Variants in DDX31 observed in about 807,000 individuals in gnomAD.
DDX31 encodes DEAD-box helicase 31.
Under a neutral mutation model 91.3 loss-of-function variants are expected in DDX31, and 70 were observed. The observed-to-expected ratio is 0.77, with a 90% CI of 0.63 to 0.94. The LOEUF (loss-of-function observed/expected upper bound fraction) is 0.94, where lower values mean the gene tolerates loss of function less well. Ranked by LOEUF, DDX31 falls within the 40% of genes least tolerant of loss-of-function variation. The pLI is 0.00. For missense variants in DDX31, 902 were observed against 925.0 expected (o/e 0.98, Z 0.32); for synonymous variants, 362 against 350.6 (o/e 1.03, Z -0.36).
intron 16 of DDX31, among the ~76,000 whole-genome samples, 185 bp from the exon 17 acceptor site, chr9:132,625,930 G>C (rs549690532): frequency 6.6e-6 from 1 of 152,246 alleles, no homozygotes; most frequent in East Asian, 1.9e-4. Context: ...ATATTAAAGG[G>C]ACAGGATGAT....
Position 132,594,832 on chromosome 9 carries a change from GC to G in DDX31, c.*33del. The G allele has an allele frequency of 6.2e-7, 1 of 1,604,834 alleles. No individual in the cohort carries two copies. Among genetic ancestry groups the G allele is most frequent in the Non-Finnish European group, 8.5e-7 (1 of 1,174,514 alleles). On this transcript the variant is annotated 3_prime_UTR_variant, in exon 20 of 20. Transcript: ENST00000372159. ...GGACATCAATCCACTGCCACCCGGG[GC>G]TTCCAGGTTCCACTCGAAGACCCAG...
At chr9:132,624,880 G>C (rs1286928296) in intron 17 of DDX31, among the ~76,000 whole-genome samples, 1 of 152,172 alleles carries the variant, frequency 6.6e-6, no homozygotes, top group East Asian at 1.9e-4. Flanking sequence ...CCAAATACAG[G>C]CACATGCTAA....
chr9:132,620,934 G>A (rs948926047), intron 17 of DDX31, among the ~76,000 whole-genome samples: 3 of 152,154 alleles, frequency 2.0e-5, no homozygotes, highest in East Asian at 3.8e-4. Context: ...CCATCCATCC[G>A]CACGCAATGC....
At chr9:132,633,667 AC>A (rs1466705597) in intron 14 of DDX31, among the ~76,000 whole-genome samples, 1 of 151,970 alleles carries the variant, frequency 6.6e-6, no homozygotes, top group Non-Finnish European at 1.5e-5. Flanking sequence ...GGTGGGAAGA[AC>A]CCCCAAAGCT....
intron 14 of DDX31, among the ~76,000 whole-genome samples, chr9:132,639,307 G>T (rs1326965218): frequency 6.6e-6 from 1 of 151,938 alleles, no homozygotes; most frequent in Non-Finnish European, 1.5e-5. Context: ...CCCAGCAACC[G>T]AGAGAAATGA....
chr9:132,619,343 CACTTG>C (rs1831853257), intron 17 of DDX31, among the ~76,000 whole-genome samples: 2 of 152,144 alleles, frequency 1.3e-5, no homozygotes, highest in South Asian at 4.1e-4. Flanking sequence ...TGACACTGAT[CACTTG>C]AGTGGTGCTA....
chr9:132,603,775 C>T (rs114341244), intron 19 of DDX31, among the ~76,000 whole-genome samples: 1,932 of 152,278 alleles, frequency 0.013, 35 homozygotes, highest in African/African-American at 0.044. Flanking sequence ...GGTTCCTGTT[C>T]TTTGTTGTCA....
chr9:132,668,077 G>A (rs1835428795), intron 1 of DDX31, among the ~76,000 whole-genome samples: 2 of 152,070 alleles, frequency 1.3e-5, no homozygotes, highest in African/African-American at 4.8e-5. Context: ...TGCTCCCAGT[G>A]GCTCTTCTAT....
chr9:132,598,035 T>C (rs955246206), intron 19 of DDX31, among the ~76,000 whole-genome samples: 4 of 152,130 alleles, frequency 2.6e-5, no homozygotes, highest in African/African-American at 9.7e-5. Flanking sequence ...AGCAGTCCAC[T>C]CACTCAGAGG....
In DDX31 at chr9:132,595,121, C is replaced by T. The variant is rs761079496; in HGVS notation, c.1995-9G>A. ...TCTTATGAAGGTCAGGCCTGAAGAA[C>T]AGTAACAGCAGAGAGGGAAAAGAAA... On this transcript the variant is annotated splice_polypyrimidine_tract_variant and intron_variant, in intron 19 of 19. Transcript: ENST00000372159. The surrounding 1 kb of genome is among the most constrained non-coding windows in gnomAD (Gnocchi z 4.6). 1.2e-6 allele frequency: 2 copies of T among 1,606,568 alleles called. No homozygotes were observed. Among genetic ancestry groups the T allele is most frequent in the Non-Finnish European group, 1.7e-6 (2 of 1,175,064 alleles).
intron 13 of DDX31, among the ~76,000 whole-genome samples, chr9:132,643,538 T>C (rs150441186): frequency 4.1e-4 from 63 of 152,264 alleles, no homozygotes; most frequent in African/African-American, 1.1e-3. Flanking sequence ...ACAACAAACA[T>C]TCATCGAGTG....
chr9:132,661,055 A>G, intron 4 of DDX31, 153 bp downstream of exon 4: 1 of 686,370 alleles, frequency 1.5e-6, no homozygotes, highest in Non-Finnish European at 2.6e-6. Flanking sequence ...GGAGAGAATG[A>G]GTAGCTAAGT....
intron 3 of DDX31, 22 bp from the exon 4 acceptor site, chr9:132,661,273 C>A (rs1204375426): frequency 6.4e-7 from 1 of 1,554,404 alleles, no homozygotes; most frequent in East Asian, 2.2e-5. Flanking sequence ...GATGAAAAAG[C>A]TTTAATTAAT....
At chr9:132,669,463 G>A (rs982182252) in intron 1 of DDX31, 3 of 663,898 alleles carry the variant, frequency 4.5e-6, no homozygotes, top group Non-Finnish European at 6.7e-6. Context: ...CAGGAATGTG[G>A]GCAAGATAAA....
At chr9:132,606,507 G>A (rs1831033897) in intron 19 of DDX31, among the ~76,000 whole-genome samples, 1 of 152,198 alleles carries the variant, frequency 6.6e-6, no homozygotes, top group African/African-American at 2.4e-5. Context: ...AATGATGGAG[G>A]CTGGGGGAAG....
intron 19 of DDX31, among the ~76,000 whole-genome samples, chr9:132,609,587 T>C (rs1831210493): frequency 6.6e-6 from 1 of 152,176 alleles, no homozygotes; most frequent in African/African-American, 2.4e-5. Context: ...ATTGCATTTA[T>C]TTTCAGGGAT....
chr9:132,666,240 C>A (rs1307783782), intron 1 of DDX31, among the ~76,000 whole-genome samples: 2 of 152,062 alleles, frequency 1.3e-5, no homozygotes. Context: ...TATTGGTCTG[C>A]TTCTGGGCTC....
intron 19 of DDX31, among the ~76,000 whole-genome samples, chr9:132,604,737 A>T (rs1830917075): frequency 6.6e-6 from 1 of 152,154 alleles, no homozygotes; most frequent in Non-Finnish European, 1.5e-5. Flanking sequence ...CTGTTTCCCC[A>T]TATACTGCCA....
At chr9:132,658,583 C>G in intron 6 of DDX31, 88 bp downstream of exon 6, 1 of 1,229,792 alleles carries the variant, frequency 8.1e-7, no homozygotes, top group Non-Finnish European at 1.2e-6. Flanking sequence ...AAAACAGATT[C>G]TTTTAGTCCT....
Sources: allele counts gnomAD v4.1 joint callset (sites outside exome capture counted in the v4.1 genomes callset), GRCh38; gene constraint gnomAD v4.1.1; non-coding constraint Gnocchi (gnomAD v3.1); transcripts MANE v1.5; gene names NCBI Gene and HGNC (gene_info 2026-07-23, HGNC 2026-07-21).